The following OXGR1 variants were observed in gnomAD, a reference collection of about 807,000 sequenced individuals.
The protein encoded by OXGR1 is oxoglutarate receptor 1, also known as 2-oxoglutarate receptor 1.
A neutral mutation model predicts 10.0 loss-of-function variants in OXGR1; 10 were observed. The ratio of observed to expected loss-of-function variants is 1.00; its 90% confidence interval spans 0.62 to 1.70. The LOEUF (loss-of-function observed/expected upper bound fraction) is 1.70. OXGR1 is among the 40% of genes most tolerant of loss of function. The pLI is 0.00. For synonymous variants in OXGR1, 191 were observed against 155.9 expected (o/e 1.22, Z -1.68); for missense variants, 398 against 407.6 (o/e 0.98, Z 0.20).
chr13:96,987,545 A>G lies in OXGR1; in HGVS notation c.215T>C (p.Met72Thr). 2 of 1,614,162 alleles carry G rather than the reference A, an allele frequency of 1.2e-6. No homozygotes were observed. Among genetic ancestry groups the G allele is most frequent in the African/African-American group, 1.3e-5 (1 of 75,060 alleles). Residue 72 changes from methionine (M) to threonine (T), a missense_variant, in exon 4 of 4, where the codon ATG (methionine) becomes ACG (threonine). Met to Thr is a moderately conservative substitution (Grantham distance 81). Transcript: ENST00000541038. ...CAGATCTGTGCAGGCCAGGTTCAGC[A>G]TAATGATGGTGCTGCTCTTCCAAGG... is the stretch of plus-strand genomic sequence containing the variant. ...MRPWKSSTII[M>T]LNLACTDLLY...
At chr13:96,993,483 A>C (rs1012947361) in intron 1 of OXGR1, among the ~76,000 whole-genome samples, 1 of 152,006 alleles carries the variant, frequency 6.6e-6, no homozygotes, top group African/African-American at 2.4e-5. Flanking sequence ...CAGCCTCCCA[A>C]AGTGCTGGGA....
Position 96,987,003 on chromosome 13 carries a change from A to G in OXGR1, c.757T>C (p.Cys253Arg), listed in dbSNP as rs1038124629. 3.7e-6 allele frequency: 6 copies of G among 1,614,116 alleles called. No homozygotes were observed. ...CTCAAGATATGGAAGGGTAAAAAAC[A>G]TACGTAAAATGCAAGGAGTAGCAGA... The part of the protein sequence containing the change: ...TILLLLAFYV[C>R]FLPFHILRVI... The change falls in exon 4 of 4, where the codon TGT (cysteine) becomes CGT (arginine). Residue 253 changes from cysteine (C) to arginine (R), a missense_variant. Cys to Arg is a radical substitution (Grantham distance 180, BLOSUM62 -3). Coordinates refer to ENST00000541038, the MANE Select transcript of OXGR1 (RefSeq NM_001346194.2).
rs1389619366 is a variant in OXGR1, at chr13:96,986,453, T to C, written c.*293A>G. 9.4e-6 allele frequency: 3 copies of C among 320,388 alleles called. No individual in the cohort carries two copies. The highest frequency in any genetic ancestry group is 9.2e-5 in the South Asian group (2 of 21,780). 19.8% of individuals were successfully genotyped at this position (320,388 alleles called of 1,614,324 possible). On this transcript the variant is annotated 3_prime_UTR_variant, in exon 4 of 4. Coordinates refer to ENST00000541038, the MANE Select transcript of OXGR1 (RefSeq NM_001346194.2). ...TAAGAAATTGGTTTCCGTGTATATA[T>C]AGTAAGTTGGTGGGAACAGATGTTC...
Position 96,986,683 on chromosome 13 carries a change from C to T in OXGR1, c.*63G>A. On this transcript the variant is annotated 3_prime_UTR_variant, in exon 4 of 4. Transcript: ENST00000541038. ...GTTCCATTGAGGGAGACATCCTGAA[C>T]ATCTTAGGATGCTAGGTAAAGTATC... 2.0e-6 allele frequency: 3 copies of T among 1,497,142 alleles called. No individual in the cohort carries two copies. Among genetic ancestry groups the T allele is most frequent in the Non-Finnish European group, 2.7e-6 (3 of 1,117,720 alleles). The allele number at this position is 1,497,142 out of a possible 1,614,324, so 92.7% of individuals were successfully genotyped here.
chr13:96,988,112 A>G (rs1215505707), intron 3 of OXGR1, among the ~76,000 whole-genome samples: 1 of 152,242 alleles, frequency 6.6e-6, no homozygotes, highest in African/African-American at 2.4e-5. Context: ...TGGCAAGGTC[A>G]CCATTTGGAG....
Position 96,987,376 on chromosome 13 carries a change from G to A in OXGR1, c.384C>T (p.Ser128=), listed in dbSNP as rs745885120. The change falls in exon 4 of 4, where the codon AGC becomes AGT. Residue 128 remains serine, a synonymous_variant. Coordinates refer to ENST00000541038, the MANE Select transcript of OXGR1 (RefSeq NM_001346194.2). ...YSSILFLTCF[S]IFRYCVIIHP... is the part of the protein sequence containing the mutation. Reference sequence around the variant, plus strand: ...GAATGATCACACAGTAGCGGAAGATGCTGAAACAGGTGAGGAAGAGGATGC... The same window carrying A: ...GAATGATCACACAGTAGCGGAAGATACTGAAACAGGTGAGGAAGAGGATGC... 8 of 1,614,194 alleles carry A rather than the reference G, an allele frequency of 5.0e-6. No individual in the cohort carries two copies. Among genetic ancestry groups the A allele is most frequent in the Non-Finnish European group, 5.9e-6 (7 of 1,180,018 alleles).
At chr13:96,992,015 T>C (rs1315408020) in intron 2 of OXGR1, among the ~76,000 whole-genome samples, 1 of 152,048 alleles carries the variant, frequency 6.6e-6, no homozygotes, top group Non-Finnish European at 1.5e-5. Context: ...CACTCATTCA[T>C]GGGATCTAAA....
chr13:96,989,586 G>A lies in OXGR1; in HGVS notation c.-75+172C>T, dbSNP rs372863251. ...TGATCATCCCCATTCAACAGAAGAG[G>A]AAACTGAGGCACGGAGGAGGCAGTG... On this transcript the variant is annotated intron_variant, in intron 3 of 3. Transcript: ENST00000541038. Among the ~76,000 whole-genome samples the A allele has an allele frequency of 2.0e-5, 3 of 152,278 alleles. No individual in the cohort carries two copies. In the East Asian group the frequency reaches 5.8e-4, roughly 29 times the overall value.
chr13:96,987,152 G>C lies in OXGR1; in HGVS notation c.608C>G (p.Thr203Ser), dbSNP rs780523993. The C allele has an allele frequency of 1.9e-5, 30 of 1,614,048 alleles. No individual in the cohort carries two copies. The highest frequency in any genetic ancestry group is 2.5e-5 in the Non-Finnish European group (30 of 1,180,020). ...CAAGGGGAGGCAGAAAGTAGTTGCA[G>C]TCAAAATCAGGTTGTACCACTTAAT... ...NTIKWYNLIL[T>S]ATTFCLPLVI... Residue 203 changes from threonine (T) to serine (S), a missense_variant, in exon 4 of 4, where the codon ACT (threonine) becomes AGT (serine). Transcript: ENST00000541038.
At chr13:96,990,491 G>C (rs1028998420) in intron 2 of OXGR1, among the ~76,000 whole-genome samples, 1 of 152,160 alleles carries the variant, frequency 6.6e-6, no homozygotes, top group Non-Finnish European at 1.5e-5. Context: ...CTCCTTGAAA[G>C]AAAAACACAA....
At chr13:96,993,434 C>G (rs1307400555) in intron 1 of OXGR1, among the ~76,000 whole-genome samples, 32 of 152,018 alleles carry the variant, frequency 2.1e-4, no homozygotes, top group Admixed American at 2.1e-3. Context: ...GTTGGCCAGG[C>G]TGGTCTCGAA....
chr13:96,989,681 TG>T (rs1881954313), intron 3 of OXGR1, 76 bp downstream of exon 3: 1 of 152,288 alleles, frequency 6.6e-6, no homozygotes, highest in African/African-American at 2.4e-5. Context: ...GTTGCAGGGC[TG>T]GGCTGCATCT....
chr13:96,987,690 A>G lies in OXGR1; in HGVS notation c.70T>C (p.Cys24Arg). Residue 24 changes from cysteine to arginine, a missense_variant, in exon 4 of 4, where the codon TGC (cysteine) becomes CGC (arginine). Physicochemically the swap from Cys to Arg is radical, Grantham distance 180. Coordinates refer to ENST00000541038, the MANE Select transcript of OXGR1 (RefSeq NM_001346194.2). ...TTGAGTGGGATGTTTTCATCAGTGC[A>G]ATTTCCAAAAGCAGCTGCATAATCG... ...FPDYAAAFGN[C>R]TDENIPLKMH... 1 of 1,613,460 alleles carries G rather than the reference A, an allele frequency of 6.2e-7. No homozygotes were observed. Among genetic ancestry groups the G allele is most frequent in the South Asian group, 1.1e-5 (1 of 90,904 alleles).
chr13:96,988,338 C>G (rs1881886995), intron 3 of OXGR1, among the ~76,000 whole-genome samples: 1 of 152,154 alleles, frequency 6.6e-6, no homozygotes, highest in South Asian at 2.1e-4. Context: ...TCGCATTTTT[C>G]TGACTCAAAA....
At position 96,987,481 on chromosome 13, in the gene OXGR1, A is replaced by T. The variant is rs762278301; in HGVS notation, c.279T>A (p.Tyr93Ter). 1 of 1,614,244 alleles carries T rather than the reference A, an allele frequency of 6.2e-7. No individual in the cohort carries two copies. The highest frequency in any genetic ancestry group is 1.1e-5 in the South Asian group (1 of 91,088). Residue 93 changes from tyrosine to a stop codon, truncating the protein, a stop_gained, in exon 4 of 4, where the codon TAT (tyrosine) becomes TAA (stop). Transcript: ENST00000541038. LOFTEE classifies it high-confidence loss of function. ...CAAAGATCCAGTTTTCGCCACTGGCATAGTAGTGAATCAGGAAGGGGAGGC... is the reference window on the plus strand; with the variant it reads ...CAAAGATCCAGTTTTCGCCACTGGCTTAGTAGTGAATCAGGAAGGGGAGGC... ...LTSLPFLIHY[Y>*]ASGENWIFGD...
At chr13:96,994,146 CT>C (rs1283756447) in intron 1 of OXGR1, among the ~76,000 whole-genome samples, 151 bp downstream of exon 1, 2 of 152,224 alleles carry the variant, frequency 1.3e-5, no homozygotes, top group African/African-American at 2.4e-5. Flanking sequence ...GGGGGCGCTG[CT>C]CCGTCCGACC....
At chr13:96,990,823 C>A (rs1277483655) in intron 2 of OXGR1, among the ~76,000 whole-genome samples, 1 of 151,776 alleles carries the variant, frequency 6.6e-6, no homozygotes, top group Non-Finnish European at 1.5e-5. Flanking sequence ...GTGGCCCATG[C>A]CTATAGTCCC....
Position 96,987,147 on chromosome 13 carries a change from T to C in OXGR1, c.613A>G (p.Thr205Ala), listed in dbSNP as rs149147994. Reference protein sequence around the residue: ...IKWYNLILTATTFCLPLVIVT... With the variant: ...IKWYNLILTAATFCLPLVIVT... ...ATCACCAAGGGGAGGCAGAAAGTAG[T>C]TGCAGTCAAAATCAGGTTGTACCAC... The change falls in exon 4 of 4, where the codon ACT becomes GCT. Residue 205 changes from threonine (T) to alanine (A), a missense_variant. Physicochemically the swap from Thr to Ala is moderately conservative, Grantham distance 58. Coordinates refer to ENST00000541038, the MANE Select transcript of OXGR1 (RefSeq NM_001346194.2). 7.6e-5 allele frequency: 123 copies of C among 1,614,066 alleles called. 1 individual carries two copies. Among genetic ancestry groups the C allele is most frequent in the Middle Eastern group, 4.9e-4 (3 of 6,084 alleles).
intron 2 of OXGR1, among the ~76,000 whole-genome samples, chr13:96,991,894 C>T (rs566201446): frequency 6.6e-6 from 1 of 152,254 alleles, no homozygotes; most frequent in South Asian, 2.1e-4. Flanking sequence ...GAGTACTATT[C>T]AGCCATAAAA....
Sources: gnomAD v4.1 joint callset for allele counts (sites outside exome capture counted in the v4.1 genomes callset) on GRCh38, gnomAD v4.1.1 for gene constraint, MANE v1.5 for transcripts, NCBI Gene and HGNC (gene_info 2026-07-23, HGNC 2026-07-21) for gene names.